Variants in UNC93A observed in about 807,000 individuals in gnomAD.
UNC93A encodes the protein unc-93 homolog A.
Under a neutral mutation model 47.5 loss-of-function variants are expected in UNC93A, and 43 were observed. That is an observed-to-expected ratio of 0.91 (90% confidence interval 0.71 to 1.17). UNC93A has a LOEUF of 1.17. Ranked by LOEUF, UNC93A falls within the 50% of genes most tolerant of loss-of-function variation. The probability of loss-of-function intolerance (pLI) is 0.00; values close to 1 mark genes in which losing one functional copy is unlikely to be tolerated. For missense variants in UNC93A, 605 were observed against 577.6 expected, an observed-to-expected ratio of 1.05 and a Z score of -0.49; for synonymous variants, 280 against 258.0, an observed-to-expected ratio of 1.09 and a Z score of -0.82.
intron 6 of UNC93A, among the ~76,000 whole-genome samples, 196 bp downstream of exon 6, chr6:167,306,246 T>G (rs1216490574): frequency 6.6e-6 from 1 of 152,188 alleles, no homozygotes. Context: ...CTCCCCAAGC[T>G]GGCTCTGGGC....
At chr6:167,272,697 G>T in intron 1 of UNC93A, among the ~76,000 whole-genome samples, 1 of 152,190 alleles carries the variant, frequency 6.6e-6, no homozygotes. Flanking sequence ...AGGTAGATTT[G>T]AAAATGTTCT....
intron 4 of UNC93A, among the ~76,000 whole-genome samples, chr6:167,299,467 C>A (rs1482864390): frequency 6.6e-6 from 1 of 152,160 alleles, no homozygotes; most frequent in African/African-American, 2.4e-5. Context: ...GTAAAGCTAT[C>A]GCTGGAAGTC....
intron 6 of UNC93A, among the ~76,000 whole-genome samples, chr6:167,307,305 G>T (rs577086515): frequency 1.3e-5 from 2 of 152,200 alleles, no homozygotes; most frequent in Admixed American, 1.3e-4. Context: ...CTAGCAGCAC[G>T]CATACACATC....
rs1450479371 is a variant in UNC93A at position 167,315,516 on chromosome 6, G to A, written c.*64G>A. On this transcript the variant is annotated 3_prime_UTR_variant, in exon 8 of 8. Transcript: ENST00000230256. Reference sequence around the variant, plus strand: ...CAGCCAGAGAATTTTCTTAGAAGATGCCTCAGGACATAGAGCGGCTCCTCA... The same window carrying A: ...CAGCCAGAGAATTTTCTTAGAAGATACCTCAGGACATAGAGCGGCTCCTCA... 1 of 1,612,366 alleles carries A rather than the reference G, an allele frequency of 6.2e-7. No homozygotes were observed. The highest frequency in any genetic ancestry group is 1.3e-5 in the African/African-American group (1 of 74,860).
In UNC93A at chr6:167,292,584, G is replaced by A. The variant is rs1040346791; in HGVS notation, c.87+1008G>A. Among the ~76,000 whole-genome samples, 3 of 152,186 alleles carry A rather than the reference G, an allele frequency of 2.0e-5. No homozygotes were observed. In the South Asian group the frequency reaches 6.2e-4, roughly 32 times the overall value. On this transcript the variant is annotated intron_variant, in intron 1 of 7. Transcript: ENST00000230256. ...TTCTATTTCTGATCAGGCTTACAGAGGATAAAATGGCAGCCAACAGTGACT... is the reference window on the plus strand; with the variant it reads ...TTCTATTTCTGATCAGGCTTACAGAAGATAAAATGGCAGCCAACAGTGACT...
intron 1 of UNC93A, among the ~76,000 whole-genome samples, chr6:167,272,556 T>A (rs1415047575): frequency 6.6e-6 from 1 of 152,176 alleles, no homozygotes; most frequent in Non-Finnish European, 1.5e-5. Context: ...CAGCTTGGAT[T>A]TATACATCTT....
At chr6:167,313,583 T>A (rs1778613580) in intron 7 of UNC93A, among the ~76,000 whole-genome samples, 1 of 152,084 alleles carries the variant, frequency 6.6e-6, no homozygotes, top group Non-Finnish European at 1.5e-5. Flanking sequence ...ATAAATTTCA[T>A]CTTGAAATTC....
intron 5 of UNC93A, 135 bp downstream of exon 5, chr6:167,304,268 G>A (rs1233143697): frequency 2.3e-6 from 2 of 869,568 alleles, no homozygotes; most frequent in African/African-American, 3.3e-5. Flanking sequence ...GGGGTCCTAT[G>A]CTCCCAGTGC....
At chr6:167,269,507 G>T (rs1428144383), upstream of UNC93A, among the ~76,000 whole-genome samples, 1 of 152,128 alleles carries the variant, frequency 6.6e-6, no homozygotes, top group Admixed American at 6.5e-5. Flanking sequence ...TGACAATGTG[G>T]CAAATAAAGG....
chr6:167,297,044 A>C (rs1023699819), intron 3 of UNC93A, among the ~76,000 whole-genome samples: 1 of 152,222 alleles, frequency 6.6e-6, no homozygotes, highest in Non-Finnish European at 1.5e-5. Context: ...CATTTGAAGA[A>C]GGGAAGCCGT....
At chr6:167,283,124 A>T (rs1394205239) in intron 1 of UNC93A, among the ~76,000 whole-genome samples, 1 of 152,194 alleles carries the variant, frequency 6.6e-6, no homozygotes, top group African/African-American at 2.4e-5. Context: ...GACCTGGAAA[A>T]AGAAGAGGAT....
intron 2 of UNC93A, among the ~76,000 whole-genome samples, chr6:167,295,740 C>CGCCTGCCTCGTGCTCCTT (rs1778065326): frequency 6.8e-6 from 1 of 147,466 alleles, no homozygotes; most frequent in Non-Finnish European, 1.5e-5. Flanking sequence ...TCGTGCTCCT[C>CGCCTGCCTCGTGCTCCTT]GCCTCCCTCG....
rs1583089142 is a variant in UNC93A at position 167,305,968 on chromosome 6, C to T, written c.894C>T (p.Cys298=). Residue 298 remains cysteine (C), a synonymous_variant, in exon 6 of 8, where the codon TGC becomes TGT. Coordinates refer to ENST00000230256, the MANE Select transcript of UNC93A (RefSeq NM_018974.4). The part of the protein sequence containing the change: ...GIQFVGYVMI[C]FSATDALCSV... ...AGTTCGTCGGCTACGTGATGATCTG[C>T]TTCTCGGCCACTGACGCGCTGTGCT... 6.2e-7 allele frequency: 1 copy of T among 1,614,194 alleles called. No individual in the cohort carries two copies. Among genetic ancestry groups the T allele is most frequent in the Non-Finnish European group, 8.5e-7 (1 of 1,180,046 alleles).
chr6:167,309,696 C>A (rs2077081), intron 7 of UNC93A, among the ~76,000 whole-genome samples: 2 of 152,086 alleles, frequency 1.3e-5, no homozygotes, highest in Admixed American at 1.3e-4. Flanking sequence ...GACCTCAGAT[C>A]GCGGACAGAA....
chr6:167,286,913 T>G (rs1234632890), upstream of UNC93A, among the ~76,000 whole-genome samples: 2 of 143,924 alleles, frequency 1.4e-5, no homozygotes, highest in Non-Finnish European at 3.0e-5. Context: ...GGGAGGCGGA[T>G]GTTGCAGTGA....
chr6:167,309,231 G>C (rs567251409), intron 7 of UNC93A, among the ~76,000 whole-genome samples: 5 of 152,172 alleles, frequency 3.3e-5, no homozygotes, highest in African/African-American at 1.2e-4. Context: ...TGCTTTGTGC[G>C]GGCTGGCTGT....
chr6:167,297,606 T>C (rs2076012), intron 3 of UNC93A, among the ~76,000 whole-genome samples: 33,338 of 152,082 alleles, frequency 0.22, 3,870 homozygotes, highest in African/African-American at 0.29. Context: ...CATGTACTTT[T>C]TTCTTTTTGA....
chr6:167,314,103 T>C (rs1229390744), intron 7 of UNC93A, among the ~76,000 whole-genome samples: 1 of 152,176 alleles, frequency 6.6e-6, no homozygotes, highest in Non-Finnish European at 1.5e-5. Context: ...ATTCATGATG[T>C]GAGTTGTTTC....
At chr6:167,281,105 A>T (rs952181812) in intron 1 of UNC93A, among the ~76,000 whole-genome samples, 2 of 151,968 alleles carry the variant, frequency 1.3e-5, no homozygotes, top group Non-Finnish European at 2.9e-5. Flanking sequence ...AAGGAGCCCC[A>T]GGAGGTCATC....
Sources: allele counts gnomAD v4.1 joint callset (sites outside exome capture counted in the v4.1 genomes callset), GRCh38; gene constraint gnomAD v4.1.1; transcripts MANE v1.5; gene names NCBI Gene and HGNC (gene_info 2026-07-23, HGNC 2026-07-21).